MACF1: variants seen among roughly 807,000 people sequenced by gnomAD.
MACF1 encodes microtubule-actin cross-linking factor 1.
Under a neutral mutation model 854.8 loss-of-function variants are expected in MACF1, and 193 were observed. The observed-to-expected ratio is 0.23, with a 90% CI of 0.20 to 0.25. The LOEUF is 0.25. Ranked by LOEUF, MACF1 falls within the 10% of genes least tolerant of loss-of-function variation. The pLI, the probability that MACF1 is intolerant of heterozygous loss-of-function variation, is 1.00. For synonymous variants in MACF1, 3,185 were observed against 3,226.7 expected (o/e 0.99, Z 0.44); for missense variants, 7,722 against 8,929.1 (o/e 0.86, Z 5.45).
Position 39,456,136 on chromosome 1 carries a change from C to T in MACF1, c.21075+1039C>T, listed in dbSNP as rs374559317. Among the ~76,000 whole-genome samples, 70 of 152,270 alleles carry T rather than the reference C, an allele frequency of 4.6e-4. 3 individuals carry two copies. In the South Asian group the frequency reaches 0.013, roughly 28 times the overall value. On this transcript the variant is annotated intron_variant, in intron 89 of 100. Transcript: ENST00000564288. ...ATCACTTGAGGTGAAGAGTTTGAGA[C>T]CAGCCTAGCCAACATGGTGAAACCC...
chr1:39,322,979 G>A lies in MACF1; in HGVS notation c.4207G>A (p.Asp1403Asn). The change falls in exon 33 of 101, where the codon GAT becomes AAT. Residue 1403 changes from aspartate to asparagine, a missense_variant. Transcript: ENST00000564288. ...LTTQHVKYIS[D>N]ALRRLEEEEK... ...AACTCAGCACGTGAAATACATCAGTGATGCACTCCGGCGTCTGGAGGAGGA... is the reference window on the plus strand; with the variant it reads ...AACTCAGCACGTGAAATACATCAGTAATGCACTCCGGCGTCTGGAGGAGGA... 6.2e-7 allele frequency: 1 copy of A among 1,614,118 alleles called. No homozygotes were observed. Among genetic ancestry groups the A allele is most frequent in the South Asian group, 1.1e-5 (1 of 91,080 alleles).
Position 39,337,345 on chromosome 1 carries a change from G to T in MACF1, c.10215+14G>T, listed in dbSNP as rs151025804. The T allele has an allele frequency of 6.2e-7, 1 of 1,611,928 alleles. No individual in the cohort carries two copies. On this transcript the variant is annotated intron_variant, in intron 38 of 100. Transcript: ENST00000564288. ...TGTCAGGCCAAGGTAGGTTCCCAGA[G>T]ACTTCCACCACAGACACCAGCTTCA... is the stretch of plus-strand genomic sequence containing the variant.
intron 2 of MACF1, among the ~76,000 whole-genome samples, chr1:39,122,442 A>G (rs2148159763): frequency 6.6e-6 from 1 of 151,968 alleles, no homozygotes; most frequent in African/African-American, 2.4e-5. Context: ...TTTAGTAGAG[A>G]TGGGGTTTCA....
At position 39,185,514 on chromosome 1, in the gene MACF1, AT is replaced by A. The variant is rs369444363; in HGVS notation, c.221-45658del. The stretch of plus-strand genomic sequence containing the variant: ...AGGCCCAGTTTCTTTAAAAAAAAAA[AT>A]TTTTTTTTTAAATAAACCCAAGATA... On this transcript the variant is annotated intron_variant, in intron 2 of 93. Coordinates refer to the MACF1 transcript ENST00000361689. Among the ~76,000 whole-genome samples, 32 of 149,892 alleles carry A rather than the reference AT, an allele frequency of 2.1e-4. 1 individual carries two copies. The Middle Eastern group carries it at 0.014, about 65-fold the overall frequency.
Position 39,436,534 on chromosome 1 carries a change from C to G in MACF1, c.17988+773C>G, listed in dbSNP as rs889958254. Reference sequence around the variant, plus strand: ...TTGGGACTAGGGTGTTCTTATAATGCTGAAAATTGAGGTCATTACCTGTAA... The same window carrying G: ...TTGGGACTAGGGTGTTCTTATAATGGTGAAAATTGAGGTCATTACCTGTAA... On this transcript the variant is annotated intron_variant, in intron 70 of 100. Coordinates refer to ENST00000564288, the MANE Select transcript of MACF1 (RefSeq NM_001394062.1). The G allele has an allele frequency of 3.1e-6, 5 of 1,591,394 alleles. No individual in the cohort carries two copies. The African/African-American group carries it at 6.7e-5, about 21-fold the overall frequency.
At chr1:39,214,993 A>T (rs969244104) in intron 1 of MACF1, among the ~76,000 whole-genome samples, 4 of 152,174 alleles carry the variant, frequency 2.6e-5, no homozygotes, top group African/African-American at 9.7e-5. Flanking sequence ...CTCAAAGACC[A>T]GTTTCTTCCT....
chr1:39,131,333 T>C (rs1260096530), intron 2 of MACF1, among the ~76,000 whole-genome samples: 1 of 149,478 alleles, frequency 6.7e-6, no homozygotes, highest in East Asian at 1.9e-4. Flanking sequence ...CCCAGCTCAG[T>C]TTTATTATTT....
rs150053411 is a variant in MACF1, at chr1:39,370,171, G to T, written c.13080G>T (p.Gln4360His). The T allele has an allele frequency of 5.7e-5, 92 of 1,612,514 alleles. 1 individual carries two copies. The African/African-American group carries it at 9.9e-4, about 17-fold the overall frequency. ...TSMSAKELEK[Q>H]IEHLKSLLDD... Reference sequence around the variant, plus strand: ...TGAGTGCTAAAGAGTTAGAAAAGCAGATTGAACACCTGAAGGTAGGTGAAC... The same window carrying T: ...TGAGTGCTAAAGAGTTAGAAAAGCATATTGAACACCTGAAGGTAGGTGAAC... The change falls in exon 51 of 101, where the codon CAG (glutamine) becomes CAT (histidine). Residue 4360 changes from glutamine to histidine, a missense_variant. Physicochemically the swap from Gln to His is conservative, Grantham distance 24. Around this residue, in one of 15 missense-constraint regions of MACF1, gnomAD observed 2,807 missense variants for 3,235.8 expected, o/e 0.87. Transcript: ENST00000564288.
intron 6 of MACF1, among the ~76,000 whole-genome samples, chr1:39,266,176 T>C (rs1448122741): frequency 6.6e-6 from 1 of 152,238 alleles, no homozygotes; most frequent in Non-Finnish European, 1.5e-5. Context: ...GTAGTCATAT[T>C]AAGCAGCTAT....
At chr1:39,458,184 C>G (rs1644480104) in intron 89 of MACF1, 186 bp from the exon 90 acceptor site, 3 of 558,308 alleles carry the variant, frequency 5.4e-6, no homozygotes, top group African/African-American at 1.9e-5. Context: ...AATCACATTT[C>G]AACATGAGAT....
chr1:39,170,713 TAAAGC>T (rs1225395583), intron 2 of MACF1, among the ~76,000 whole-genome samples: 2 of 152,194 alleles, frequency 1.3e-5, no homozygotes, highest in African/African-American at 4.8e-5. Flanking sequence ...TACCAGTAAA[TAAAGC>T]AAAGTCCTTT....
chr1:39,377,295 A>G (rs534999634), intron 52 of MACF1, among the ~76,000 whole-genome samples: 1 of 152,304 alleles, frequency 6.6e-6, no homozygotes, highest in African/African-American at 2.4e-5. Flanking sequence ...TACAGGTGTG[A>G]GCCACCGCGC....
rs1363591186 is a variant in MACF1 at position 39,357,493 on chromosome 1, A to C, written c.11543A>C (p.Gln3848Pro). 1.9e-6 allele frequency: 3 copies of C among 1,614,210 alleles called. No homozygotes were observed. The highest frequency in any genetic ancestry group is 2.5e-6 in the Non-Finnish European group (3 of 1,180,040). The change falls in exon 45 of 101, where the codon CAA becomes CCA. Residue 3848 changes from glutamine (Q) to proline (P), a missense_variant. Transcript: ENST00000564288. ...NLTPEEQQMLQQKLGELKEQY... is the reference protein window; with the variant it reads ...NLTPEEQQMLPQKLGELKEQY... The stretch of plus-strand genomic sequence containing the variant: ...ACACCTGAGGAGCAACAGATGCTGC[A>C]ACAGAAGCTGGGAGAGCTAAAGGAA...
Position 39,336,444 on chromosome 1 carries a change from G to A in MACF1, c.9856G>A (p.Gly3286Arg). 1 of 1,614,106 alleles carries A rather than the reference G, an allele frequency of 6.2e-7. No homozygotes were observed. The highest frequency in any genetic ancestry group is 8.5e-7 in the Non-Finnish European group (1 of 1,179,986). Residue 3286 changes from glycine (G) to arginine (R), a missense_variant, in exon 37 of 101, where the codon GGG becomes AGG. Gly to Arg is a moderately radical substitution (Grantham distance 125). Around this residue, in one of 15 missense-constraint regions of MACF1, gnomAD observed 854 missense variants for 852.6 expected, o/e 1.00. Coordinates refer to ENST00000564288, the MANE Select transcript of MACF1 (RefSeq NM_001394062.1). ...FKGVSQKENT[G>R]QQNAIISPTV... Reference sequence around the variant, plus strand: ...AGGAGTGTCTCAAAAAGAGAATACAGGGCAACAGAATGCCATCATTAGTCC... The same window carrying A: ...AGGAGTGTCTCAAAAAGAGAATACAAGGCAACAGAATGCCATCATTAGTCC...
At chr1:39,359,999 AAAAAAAAAAAAAAATAT>A (rs1647941659) in intron 47 of MACF1, among the ~76,000 whole-genome samples, 1 of 68,214 alleles carries the variant, frequency 1.5e-5, no homozygotes, top group Non-Finnish European at 2.7e-5. Flanking sequence ...AAAAAAAAAA[AAAAAAAAAAAAAAATAT>A]ATATATATAT....
intron 58 of MACF1, among the ~76,000 whole-genome samples, chr1:39,404,935 C>G (rs1415772669): frequency 6.6e-6 from 1 of 152,210 alleles, no homozygotes; most frequent in Non-Finnish European, 1.5e-5. Flanking sequence ...TCCCACCCTT[C>G]TGTCAGGTCT....
chr1:39,220,366 T>G (rs1557525490), intron 1 of MACF1, among the ~76,000 whole-genome samples: 1 of 150,320 alleles, frequency 6.7e-6, no homozygotes, highest in Non-Finnish European at 1.5e-5. Flanking sequence ...AGAGATGGGG[T>G]TTCACCATAT....
intron 11 of MACF1, among the ~76,000 whole-genome samples, chr1:39,284,693 C>T (rs1183481225): frequency 6.6e-6 from 1 of 152,134 alleles, no homozygotes; most frequent in Non-Finnish European, 1.5e-5. Context: ...AATTTTTCTG[C>T]TTCTCAGAGG....
rs201119773 is a variant in MACF1, at chr1:39,385,549, A to G, written c.13964A>G (p.Lys4655Arg). ...TCTCTGTCCACCAGCCAAGTACAGAAAGAACTCCAGAGCATCAATCAGAAA... is the reference window on the plus strand; with the variant it reads ...TCTCTGTCCACCAGCCAAGTACAGAGAGAACTCCAGAGCATCAATCAGAAA... ...DVSLSTSQVQ[K>R]ELQSINQKWV... The change falls in exon 57 of 101, where the codon AAA (lysine) becomes AGA (arginine). Residue 4655 changes from lysine to arginine, a missense_variant. Lys to Arg is a conservative substitution (Grantham distance 26, BLOSUM62 2). Coordinates refer to ENST00000564288, the MANE Select transcript of MACF1 (RefSeq NM_001394062.1). 6.1e-5 allele frequency: 99 copies of G among 1,614,206 alleles called. 1 individual carries two copies. In the Middle Eastern group the frequency reaches 1.3e-3, roughly 22 times the overall value.
Sources: allele counts gnomAD v4.1 joint callset (sites outside exome capture counted in the v4.1 genomes callset), GRCh38; gene constraint gnomAD v4.1.1; regional missense constraint gnomAD v4.1.1; transcripts MANE v1.5; gene names NCBI Gene and HGNC (gene_info 2026-07-23, HGNC 2026-07-21).